The following FAT4 variants were observed in gnomAD, a reference collection of about 807,000 sequenced individuals.
FAT4 encodes protocadherin Fat 4.
FAT4 carries 84 observed loss-of-function variants against 303.9 expected under a neutral mutation model. That is an observed-to-expected ratio of 0.28 (90% CI 0.23 to 0.33). FAT4 has a LOEUF of 0.33. Ranked by LOEUF, FAT4 falls within the 10% of genes least tolerant of loss-of-function variation. FAT4 has a pLI of 1.00. For synonymous variants in FAT4, 2,307 were observed against 2,298.8 expected, an observed-to-expected ratio of 1.00 and a Z score of -0.10; for missense variants, 6,005 against 6,146.8, an observed-to-expected ratio of 0.98 and a Z score of 0.77.
intron 8 of FAT4, among the ~76,000 whole-genome samples, chr4:125,441,763 A>G (rs777607931): frequency 5.9e-5 from 9 of 152,160 alleles, no homozygotes; most frequent in Non-Finnish European, 1.0e-4. Context: ...CACCCCATAA[A>G]TGGCCCCAGC....
At chr4:125,424,181 G>C (rs141084030) in intron 7 of FAT4, among the ~76,000 whole-genome samples, 529 of 152,190 alleles carry the variant, frequency 3.5e-3, no homozygotes, top group Non-Finnish European at 5.3e-3. Flanking sequence ...GATATGATTT[G>C]GCTGTGTGCC....
Position 125,477,330 on chromosome 4 carries a change from G to A in FAT4, c.12475G>A (p.Asp4159Asn), listed in dbSNP as rs141297199. 1.3e-6 allele frequency: 2 copies of A among 1,564,270 alleles called. No individual in the cohort carries two copies. The highest frequency in any genetic ancestry group is 2.3e-5 in the East Asian group (1 of 42,624). Reference sequence around the variant, plus strand: ...AGCTTTGGCAGCACAAGGCATCCTAGATCAGTATGGCGATTTTATTTCTTA... The same window carrying A: ...AGCTTTGGCAGCACAAGGCATCCTAAATCAGTATGGCGATTTTATTTCTTA... ...SQALAAQGILDQCPRLEGACT... is the reference protein window; with the variant it reads ...SQALAAQGILNQCPRLEGACT... Residue 4159 changes from aspartate to asparagine, a missense_variant, in exon 14 of 18, where the codon GAT becomes AAT. By Grantham distance (23) the Asp-to-Asn change is conservative. Coordinates refer to ENST00000394329, the MANE Select transcript of FAT4 (RefSeq NM_001291303.3).
intron 2 of FAT4, among the ~76,000 whole-genome samples, chr4:125,391,320 A>T (rs1733967550): frequency 1.3e-5 from 2 of 152,242 alleles, no homozygotes; most frequent in South Asian, 4.1e-4. Context: ...CATATACACC[A>T]TGGAATACTA....
rs376657083 is a variant in FAT4, at chr4:125,452,332, G to A, written c.11322G>A (p.Gln3774=). ...LLAAVKRNHN[Q]YVNPSGVATF... is the part of the protein sequence containing the mutation. ...CAGCTGTGAAGCGAAATCATAATCA[G>A]TATGTGAATCCCAGTGGCGTAGCCA... Residue 3774 remains glutamine, a synonymous_variant, in exon 10 of 18, where the codon CAG becomes CAA. Coordinates refer to ENST00000394329, the MANE Select transcript of FAT4 (RefSeq NM_001291303.3). The A allele has an allele frequency of 1.2e-6, 2 of 1,614,082 alleles. No homozygotes were observed. The highest frequency in any genetic ancestry group is 1.7e-6 in the Non-Finnish European group (2 of 1,180,036).
At chr4:125,456,701 T>C (rs1312593219) in intron 10 of FAT4, among the ~76,000 whole-genome samples, 1 of 152,188 alleles carries the variant, frequency 6.6e-6, no homozygotes, top group African/African-American at 2.4e-5. Context: ...AGTTATTCTT[T>C]TTACCTAGTC....
At chr4:125,356,781 A>G (rs1308236779) in intron 2 of FAT4, among the ~76,000 whole-genome samples, 1 of 149,020 alleles carries the variant, frequency 6.7e-6, no homozygotes, top group East Asian at 1.9e-4. Flanking sequence ...GATATATAGT[A>G]TATATTATAA....
At chr4:125,486,498 A>G (rs773178155) in intron 16 of FAT4, among the ~76,000 whole-genome samples, 3 of 152,154 alleles carry the variant, frequency 2.0e-5, no homozygotes, top group Non-Finnish European at 2.9e-5. Flanking sequence ...GAACAGTGCC[A>G]CTGCATCCCC....
rs1408082136 is a variant in FAT4 at position 125,490,945 on chromosome 4, A to G, written c.14129A>G (p.Lys4710Arg). ...CGACACAGTCCAGCCCCTTTCTCCAAATCTTCTACGTTCTATAGAAACAGC... is the reference window on the plus strand; with the variant it reads ...CGACACAGTCCAGCCCCTTTCTCCAGATCTTCTACGTTCTATAGAAACAGC... ...LSRHSPAPFS[K>R]SSTFYRNSPA... The change falls in exon 18 of 18, where the codon AAA (lysine) becomes AGA (arginine). Residue 4710 changes from lysine (K) to arginine (R), a missense_variant. Coordinates refer to ENST00000394329, the MANE Select transcript of FAT4 (RefSeq NM_001291303.3). 6.2e-7 allele frequency: 1 copy of G among 1,614,066 alleles called. No individual in the cohort carries two copies.
intron 2 of FAT4, among the ~76,000 whole-genome samples, chr4:125,365,371 A>G (rs1732837388): frequency 6.6e-6 from 1 of 151,812 alleles, no homozygotes; most frequent in African/African-American, 2.4e-5. Flanking sequence ...AAGAATGTGG[A>G]CTCTCTTCTC....
At chr4:125,323,616 A>C (rs1353624528) in intron 2 of FAT4, among the ~76,000 whole-genome samples, 1 of 152,142 alleles carries the variant, frequency 6.6e-6, no homozygotes, top group African/African-American at 2.4e-5. Flanking sequence ...ATGAAAAGCA[A>C]ATGTGTTTCT....
intron 2 of FAT4, among the ~76,000 whole-genome samples, chr4:125,396,111 C>T (rs1213032423): frequency 6.6e-6 from 1 of 151,872 alleles, no homozygotes. Flanking sequence ...GTTTTTTTAA[C>T]ACACACGCAT....
At chr4:125,368,501 G>T (rs1480338887) in intron 2 of FAT4, among the ~76,000 whole-genome samples, 1 of 141,442 alleles carries the variant, frequency 7.1e-6, no homozygotes, top group Non-Finnish European at 1.5e-5. Context: ...ATATATATAT[G>T]TATGTATATA....
At chr4:125,466,123 A>G (rs1726654043) in intron 11 of FAT4, among the ~76,000 whole-genome samples, 1 of 152,220 alleles carries the variant, frequency 6.6e-6, no homozygotes, top group South Asian at 2.1e-4. Context: ...TTCGATACTT[A>G]GATTTTTTAA....
At position 125,318,468 on chromosome 4, in the gene FAT4, G is replaced by A. The variant is rs374104309; in HGVS notation, c.2057G>A (p.Ser686Asn). ...AGTCTTCTGGATATAAATGATAACA[G>A]CCCTGTCTTCTACCCGGTCCAATAC... ...NVSLLDINDN[S>N]PVFYPVQYFA... Residue 686 changes from serine to asparagine, a missense_variant, in exon 2 of 18, where the codon AGC becomes AAC. Ser to Asn is a conservative substitution (Grantham distance 46). Coordinates refer to ENST00000394329, the MANE Select transcript of FAT4 (RefSeq NM_001291303.3). 47 of 1,614,034 alleles carry A rather than the reference G, an allele frequency of 2.9e-5. No homozygotes were observed. In the African/African-American group the frequency reaches 4.3e-4, roughly 15 times the overall value.
intron 2 of FAT4, among the ~76,000 whole-genome samples, chr4:125,392,983 C>T (rs1048880798): frequency 6.6e-6 from 1 of 152,072 alleles, no homozygotes; most frequent in African/African-American, 2.4e-5. Context: ...AATTTTGACT[C>T]TCTGTAAAAT....
At chr4:125,446,178 A>G (rs769001641) in intron 8 of FAT4, 115 bp from the exon 9 acceptor site, 53 of 853,338 alleles carry the variant, frequency 6.2e-5, no homozygotes, top group Non-Finnish European at 8.5e-5. Context: ...ACATTGTTGT[A>G]TGATCTTTCT....
intron 2 of FAT4, among the ~76,000 whole-genome samples, chr4:125,347,926 A>G (rs894213349): frequency 9.2e-5 from 14 of 151,738 alleles, no homozygotes; most frequent in Admixed American, 4.0e-4. Context: ...CATAATAATC[A>G]TATTGATGCT....
In FAT4 at chr4:125,491,210, C is replaced by A. The variant is rs776292701; in HGVS notation, c.14394C>A (p.Asn4798Lys). 1 of 1,614,104 alleles carries A rather than the reference C, an allele frequency of 6.2e-7. No homozygotes were observed. The highest frequency in any genetic ancestry group is 8.5e-7 in the Non-Finnish European group (1 of 1,180,020). Residue 4798 changes from asparagine to lysine, a missense_variant, in exon 18 of 18, where the codon AAC becomes AAA. Asn to Lys is a moderately conservative substitution (Grantham distance 94). Coordinates refer to ENST00000394329, the MANE Select transcript of FAT4 (RefSeq NM_001291303.3). ...CTATTGAAGAAGTGGAGAGGCTCAACACACCTCGCCCTAGAAACCCAAGTA... is the reference window on the plus strand; with the variant it reads ...CTATTGAAGAAGTGGAGAGGCTCAAAACACCTCGCCCTAGAAACCCAAGTA... ...GLSIEEVERL[N>K]TPRPRNPSIC...
chr4:125,414,964 A>G lies in FAT4; in HGVS notation c.6001A>G (p.Lys2001Glu), dbSNP rs889789839. The G allele has an allele frequency of 5.6e-6, 9 of 1,613,850 alleles. No individual in the cohort carries two copies. The highest frequency in any genetic ancestry group is 4.0e-5 in the African/African-American group (3 of 74,886). ...TACTGTTGACAAGAATGGTGTACTC[A>G]AAGTCCTAAAAGCTTTGGATCGGGA... ...QFTVDKNGVL[K>E]VLKALDRESQ... is the part of the protein sequence containing the mutation. Residue 2001 changes from lysine (K) to glutamate (E), a missense_variant, in exon 6 of 18, where the codon AAA (lysine) becomes GAA (glutamate). Transcript: ENST00000394329.
Sources: allele counts gnomAD v4.1 joint callset (sites outside exome capture counted in the v4.1 genomes callset), GRCh38; gene constraint gnomAD v4.1.1; transcripts MANE v1.5; gene names NCBI Gene and HGNC (gene_info 2026-07-23, HGNC 2026-07-21).